Variants in NUBPL observed in about 807,000 individuals in gnomAD.
The protein encoded by NUBPL is iron-sulfur cluster transfer protein NUBPL.
NUBPL carries 31 observed loss-of-function variants against 45.7 expected under a neutral mutation model. The observed-to-expected ratio is 0.68, with a 90% CI of 0.51 to 0.92. NUBPL has a LOEUF of 0.92. NUBPL is among the 40% of genes least tolerant of loss of function. NUBPL has a pLI of 0.00. For missense variants in NUBPL, 401 were observed against 398.7 expected, an observed-to-expected ratio of 1.01 and a Z score of -0.05; for synonymous variants, 144 against 140.9, an observed-to-expected ratio of 1.02 and a Z score of -0.15.
chr14:31,580,063 C>T (rs1238357118), intron 3 of NUBPL, among the ~76,000 whole-genome samples: 1 of 152,082 alleles, frequency 6.6e-6, no homozygotes, highest in African/African-American at 2.4e-5. Context: ...CTTTAATGTC[C>T]AATAAAGGCT....
intron 4 of NUBPL, among the ~76,000 whole-genome samples, chr14:31,632,646 T>A (rs1010435239): frequency 1.3e-5 from 2 of 152,332 alleles, no homozygotes; most frequent in East Asian, 3.9e-4. Context: ...TAGTCTTCCA[T>A]GTATGTTCTG....
At chr14:31,690,601 G>T (rs946967748) in intron 6 of NUBPL, among the ~76,000 whole-genome samples, 1 of 152,140 alleles carries the variant, frequency 6.6e-6, no homozygotes, top group Non-Finnish European at 1.5e-5. Flanking sequence ...CCCTGGTAGA[G>T]AAAAAATCAT....
In NUBPL at chr14:31,672,074, T is replaced by G. The variant is rs150113751; in HGVS notation, c.383-1281T>G. On this transcript the variant is annotated intron_variant, in intron 4 of 10. Transcript: ENST00000281081. ...TTTGATAAAACAAATTATATTTTAT[T>G]GTAATCATTTGTTGACTATATAAAG... 2.1e-3 allele frequency among the ~76,000 whole-genome samples: 320 copies of G among 152,352 alleles called. 1 individual carries two copies. Among genetic ancestry groups the G allele is most frequent in the African/African-American group, 7.3e-3 (305 of 41,574 alleles).
chr14:31,682,064 CA>C (rs1335456735), intron 6 of NUBPL, among the ~76,000 whole-genome samples: 2 of 152,092 alleles, frequency 1.3e-5, no homozygotes, highest in Admixed American at 1.3e-4. Flanking sequence ...ACAGAGTTCA[CA>C]TTTTTTTGTA....
chr14:31,617,038 G>T (rs1436499315), intron 4 of NUBPL, among the ~76,000 whole-genome samples: 1 of 152,096 alleles, frequency 6.6e-6, no homozygotes, highest in African/African-American at 2.4e-5. Context: ...TGTAGCAATT[G>T]TGAATGGGAG....
At chr14:31,778,091 G>C (rs776882573) in intron 6 of NUBPL, among the ~76,000 whole-genome samples, 13 of 152,204 alleles carry the variant, frequency 8.5e-5, no homozygotes, top group Non-Finnish European at 1.9e-4. Flanking sequence ...CAGTGTTGGC[G>C]TGTGCCTCAA....
intron 6 of NUBPL, among the ~76,000 whole-genome samples, chr14:31,760,238 C>T (rs1180370229): frequency 6.0e-5 from 9 of 150,906 alleles, no homozygotes; most frequent in Admixed American, 2.0e-4. Context: ...TGGCTTACTG[C>T]AGCCATGACT....
At chr14:31,769,654 C>CTT (rs200176265) in intron 6 of NUBPL, among the ~76,000 whole-genome samples, 5 of 149,182 alleles carry the variant, frequency 3.4e-5, no homozygotes, top group Non-Finnish European at 4.4e-5. Flanking sequence ...TAACCCTCTC[C>CTT]TTTTTTTTAA....
intron 7 of NUBPL, among the ~76,000 whole-genome samples, chr14:31,813,539 A>G (rs2039857441): frequency 1.3e-5 from 2 of 150,374 alleles, no homozygotes; most frequent in African/African-American, 4.9e-5. Flanking sequence ...ACATCCATAC[A>G]CACACACACA....
intron 10 of NUBPL, among the ~76,000 whole-genome samples, chr14:31,857,711 G>T (rs1193650509): frequency 1.3e-5 from 2 of 152,136 alleles, no homozygotes; most frequent in Non-Finnish European, 2.9e-5. Flanking sequence ...AACATAACAA[G>T]AGTCACCTTT....
At chr14:31,586,348 G>A (rs576399977) in intron 3 of NUBPL, among the ~76,000 whole-genome samples, 68 of 152,250 alleles carry the variant, frequency 4.5e-4, no homozygotes, top group African/African-American at 1.2e-3. Flanking sequence ...AATTCCAGTC[G>A]TTCAAAGGTA....
chr14:31,706,540 T>C (rs1013858060), intron 6 of NUBPL, among the ~76,000 whole-genome samples: 24 of 152,370 alleles, frequency 1.6e-4, no homozygotes, highest in African/African-American at 5.5e-4. Context: ...AGGCGTTGTC[T>C]GATTTCAGAA....
At chr14:31,774,932 GC>G (rs1185343995) in intron 6 of NUBPL, among the ~76,000 whole-genome samples, 2 of 152,096 alleles carry the variant, frequency 1.3e-5, no homozygotes, top group Non-Finnish European at 2.9e-5. Context: ...GGTGCCCCCA[GC>G]CACCAGTCAA....
chr14:31,581,041 G>A (rs1266341003), intron 3 of NUBPL, among the ~76,000 whole-genome samples: 1 of 152,140 alleles, frequency 6.6e-6, no homozygotes, highest in African/African-American at 2.4e-5. Context: ...AGAACAAGAC[G>A]ACTAGCTAGT....
intron 4 of NUBPL, among the ~76,000 whole-genome samples, chr14:31,670,655 T>C (rs1437193313): frequency 6.6e-6 from 1 of 152,220 alleles, no homozygotes; most frequent in Non-Finnish European, 1.5e-5. Flanking sequence ...TTGTATATGG[T>C]GTAAGAAAGG....
chr14:31,674,854 TG>T (rs1266400957), intron 6 of NUBPL, among the ~76,000 whole-genome samples: 2 of 152,090 alleles, frequency 1.3e-5, no homozygotes, highest in African/African-American at 4.8e-5. Context: ...TACAGTTTAT[TG>T]GTTAGGTGTG....
rs569962055 is a variant in NUBPL at position 31,750,814 on chromosome 14, T to C, written c.514-36966T>C. ...TATTTTTGGCTGTAATCAGCATGTA[T>C]TAGTCCATTCTCATACTGCTATAAA... is the stretch of plus-strand genomic sequence containing the variant. On this transcript the variant is annotated intron_variant, in intron 6 of 10. Coordinates refer to ENST00000281081, the MANE Select transcript of NUBPL (RefSeq NM_025152.3). Among the ~76,000 whole-genome samples the C allele has an allele frequency of 1.4e-4, 21 of 152,284 alleles. No individual in the cohort carries two copies. In the South Asian group the frequency reaches 4.1e-3, roughly 30 times the overall value.
Position 31,645,096 on chromosome 14 carries a change from C to T in NUBPL, c.383-28259C>T, listed in dbSNP as rs545571121. On this transcript the variant is annotated intron_variant, in intron 4 of 10. Coordinates refer to ENST00000281081, the MANE Select transcript of NUBPL (RefSeq NM_025152.3). ...TTTTTTTTTTTTTGAGATGGAGTCT[C>T]GCTTTGTCGCCCAGGCTGGAGTGCA... is the stretch of plus-strand genomic sequence containing the variant. Among the ~76,000 whole-genome samples, 113 of 144,244 alleles carry T rather than the reference C, an allele frequency of 7.8e-4. 2 individuals carry two copies. Among genetic ancestry groups the T allele is most frequent in the African/African-American group, 2.5e-3 (98 of 39,402 alleles). The allele number at this position is 144,244 out of a possible 152,430, so 94.6% of individuals were successfully genotyped here. A position where few individuals can be genotyped will look rare whatever the true frequency, so the allele number is the denominator to read the frequency against.
At chr14:31,675,762 C>G (rs537847847) in intron 6 of NUBPL, among the ~76,000 whole-genome samples, 2 of 152,204 alleles carry the variant, frequency 1.3e-5, no homozygotes, top group Admixed American at 1.3e-4. Flanking sequence ...CTTTTTCTCC[C>G]TGACAATACT....
Sources: gnomAD v4.1 joint callset for allele counts (sites outside exome capture counted in the v4.1 genomes callset) on GRCh38, gnomAD v4.1.1 for gene constraint, MANE v1.5 for transcripts, NCBI Gene and HGNC (gene_info 2026-07-23, HGNC 2026-07-21) for gene names.